Variants in SPIN1 observed in about 807,000 individuals in gnomAD.
The protein encoded by SPIN1 is spindlin 1.
In SPIN1, 3 loss-of-function variants were observed where a neutral mutation model predicts 26.0. The ratio of observed to expected loss-of-function variants is 0.12; its 90% CI spans 0.05 to 0.30. SPIN1 has a LOEUF of 0.30. SPIN1 is among the 10% of genes least tolerant of loss of function. SPIN1 has a pLI of 1.00. For missense variants in SPIN1, 126 were observed against 333.4 expected (o/e 0.38, Z 4.84); for synonymous variants, 101 against 116.5 (o/e 0.87, Z 0.86).
rs1168043362 is a variant in SPIN1 at position 88,477,147 on chromosome 9, A to G, written c.*1870A>G. On this transcript the variant is annotated 3_prime_UTR_variant, in exon 6 of 6. Transcript: ENST00000375859. ...CTCGTATGTGAACAGGTGTCATTCT[A>G]CAGATCTGTTATGTGTTTTCCTGTT... The G allele has an allele frequency of 1.3e-5, 2 of 152,214 alleles. No individual in the cohort carries two copies. Among genetic ancestry groups the G allele is most frequent in the East Asian group, 1.9e-4 (1 of 5,174 alleles). 9.4% of individuals were successfully genotyped at this position (152,214 alleles called of 1,614,324 possible).
At chr9:88,432,650 AT>A (rs1314257384) in intron 2 of SPIN1, among the ~76,000 whole-genome samples, 2 of 147,560 alleles carry the variant, frequency 1.4e-5, no homozygotes, top group Non-Finnish European at 3.0e-5. Flanking sequence ...TGCCCAGCTA[AT>A]TTTTTCTTTT....
intron 3 of SPIN1, among the ~76,000 whole-genome samples, chr9:88,459,839 A>T (rs139326983): frequency 6.6e-6 from 1 of 152,132 alleles, no homozygotes; most frequent in Non-Finnish European, 1.5e-5. Flanking sequence ...CGGCCTTTAT[A>T]CTTGAAGGTC....
chr9:88,406,071 C>T (rs749435111), intron 1 of SPIN1, among the ~76,000 whole-genome samples: 8 of 150,574 alleles, frequency 5.3e-5, no homozygotes, highest in Non-Finnish European at 1.0e-4. Flanking sequence ...AGGGTTTTGC[C>T]GCTTGCCTAG....
chr9:88,435,302 A>T (rs75688101), intron 2 of SPIN1, among the ~76,000 whole-genome samples: 3,963 of 150,980 alleles, frequency 0.026, 170 homozygotes, highest in African/African-American at 0.092. Flanking sequence ...TGCAGCCTCG[A>T]CCTCCTGGAC....
chr9:88,392,894 T>G (rs1275757622), intron 1 of SPIN1, among the ~76,000 whole-genome samples: 1 of 152,174 alleles, frequency 6.6e-6, no homozygotes, highest in East Asian at 1.9e-4. Context: ...GGCCACCTTT[T>G]AAATTCTGCA....
chr9:88,396,109 C>T (rs763095874), intron 1 of SPIN1, among the ~76,000 whole-genome samples: 2 of 151,414 alleles, frequency 1.3e-5, no homozygotes, highest in African/African-American at 4.9e-5. Context: ...ATTGGCCAGG[C>T]ATGGTGGCCT....
At chr9:88,473,901 A>G (rs1395030835) in intron 5 of SPIN1, among the ~76,000 whole-genome samples, 1 of 152,198 alleles carries the variant, frequency 6.6e-6, no homozygotes, top group East Asian at 1.9e-4. Context: ...ATTTTTAAAG[A>G]AAAGAGTTCA....
chr9:88,389,107 C>G (rs1826859417), intron 1 of SPIN1, among the ~76,000 whole-genome samples: 1 of 152,126 alleles, frequency 6.6e-6, no homozygotes, highest in African/African-American at 2.4e-5. Flanking sequence ...GGGATGGCCG[C>G]GGACCTTGTA....
rs1380093672 is a variant in SPIN1 at position 88,476,359 on chromosome 9, T to C, written c.*1082T>C. 6.6e-6 allele frequency: 1 copy of C among 152,230 alleles called. No homozygotes were observed. Among genetic ancestry groups the C allele is most frequent in the Non-Finnish European group, 1.5e-5 (1 of 68,046 alleles). The allele number at this position is 152,230 out of a possible 1,614,324, so 9.4% of individuals were successfully genotyped here. A position where few individuals can be genotyped will look rare whatever the true frequency, so the allele number is the denominator to read the frequency against. ...AACAAGCTCTCTGGGACTTTTAAAGTTTTATTACTATTATTGCTAATGTAT... is the reference window on the plus strand; with the variant it reads ...AACAAGCTCTCTGGGACTTTTAAAGCTTTATTACTATTATTGCTAATGTAT... On this transcript the variant is annotated 3_prime_UTR_variant, in exon 6 of 6. Transcript: ENST00000375859.
chr9:88,410,448 C>G, intron 1 of SPIN1: 5 of 659,674 alleles, frequency 7.6e-6, no homozygotes, highest in Non-Finnish European at 1.4e-5. Context: ...CTGTGCTTGG[C>G]TGAATTCACA....
chr9:88,436,986 C>T (rs1320661123), intron 2 of SPIN1, among the ~76,000 whole-genome samples: 3 of 151,636 alleles, frequency 2.0e-5, no homozygotes, highest in East Asian at 2.0e-4. Context: ...GGGATGGTCT[C>T]GATCTCCTGA....
chr9:88,416,886 G>A (rs956651046), intron 1 of SPIN1: 2 of 152,242 alleles, frequency 1.3e-5, no homozygotes, highest in Non-Finnish European at 2.9e-5. Context: ...GCCTCCCAAA[G>A]TGCTGGGATT....
At chr9:88,438,993 T>C (rs1288430464) in intron 2 of SPIN1, among the ~76,000 whole-genome samples, 4 of 152,048 alleles carry the variant, frequency 2.6e-5, no homozygotes, top group Admixed American at 6.6e-5. Flanking sequence ...TAAAAAACCA[T>C]CCAGTAGAAT....
intron 1 of SPIN1, among the ~76,000 whole-genome samples, chr9:88,404,010 GC>G (rs1277191576): frequency 6.6e-6 from 1 of 152,172 alleles, no homozygotes; most frequent in Non-Finnish European, 1.5e-5. Context: ...TAAATGGTAA[GC>G]CTATTTGCTC....
chr9:88,389,786 T>A (rs1035473236), intron 1 of SPIN1, among the ~76,000 whole-genome samples: 47 of 152,350 alleles, frequency 3.1e-4, no homozygotes, highest in African/African-American at 1.1e-3. Context: ...CAGTAATTGC[T>A]TTCTACATCG....
intron 3 of SPIN1, among the ~76,000 whole-genome samples, chr9:88,450,227 A>T (rs1358960185): frequency 6.6e-6 from 1 of 152,192 alleles, no homozygotes; most frequent in Non-Finnish European, 1.5e-5. Flanking sequence ...CAAATAAAAC[A>T]TAACAATAAA....
chr9:88,427,032 T>C (rs777570844), intron 2 of SPIN1, among the ~76,000 whole-genome samples: 1 of 152,216 alleles, frequency 6.6e-6, no homozygotes, highest in African/African-American at 2.4e-5. Flanking sequence ...TTCATTCTTA[T>C]TTTTGTGGCA....
chr9:88,412,954 T>A (rs1827482587), intron 1 of SPIN1, among the ~76,000 whole-genome samples: 1 of 151,998 alleles, frequency 6.6e-6, no homozygotes, highest in South Asian at 2.1e-4. Context: ...AGTGCTGGGA[T>A]TACAGGCGTG....
At chr9:88,416,419 G>C (rs904144049) in intron 1 of SPIN1, among the ~76,000 whole-genome samples, 4 of 151,842 alleles carry the variant, frequency 2.6e-5, no homozygotes, top group African/African-American at 9.7e-5. Flanking sequence ...TCAAATTCTT[G>C]GGCTCATGGG....
Sources: gnomAD v4.1 joint callset for allele counts (sites outside exome capture counted in the v4.1 genomes callset) on GRCh38, gnomAD v4.1.1 for gene constraint, MANE v1.5 for transcripts, NCBI Gene and HGNC (gene_info 2026-07-23, HGNC 2026-07-21) for gene names.